Variants in OR1B1 observed in about 807,000 individuals in gnomAD.
OR1B1 encodes the protein olfactory receptor family 1 subfamily B member 1, also known as olfactory receptor 1B1.
For missense variants in OR1B1, 414 were observed against 402.1 expected, an observed-to-expected ratio of 1.03 and a Z score of -0.25; for synonymous variants, 168 against 156.2, an observed-to-expected ratio of 1.08 and a Z score of -0.57.
At chr9:122,628,697 G>T (rs769614672) in exon 1 of OR1B1, 2 of 1,613,756 alleles carry the variant, frequency 1.2e-6, no homozygotes, top group Non-Finnish European at 1.7e-6. Context: ...CATTACTGAA[G>T]CCACCATGTC....
rs75006893 is a variant in OR1B1 at position 122,629,452 on chromosome 9, G to C, written c.84C>G (p.Leu28=). 2.3e-3 allele frequency: 3,722 copies of C among 1,613,370 alleles called. 4 individuals carry two copies. The highest frequency in any genetic ancestry group is 2.9e-3 in the Non-Finnish European group (3,425 of 1,179,834). Residue 28 remains leucine, a synonymous_variant, in exon 1 of 1, where the codon CTC becomes CTG. Transcript: ENST00000623530. Reference sequence around the variant, plus strand: ...AAATAGCCAGGAACAGGAAGAAGAGGAGAGTGTAGGAGATGTTAGCTCTCG... The same window carrying C: ...AAATAGCCAGGAACAGGAAGAAGAGCAGAGTGTAGGAGATGTTAGCTCTCG...
exon 1 of OR1B1, chr9:122,629,564 G>A (rs762748896): frequency 2.8e-6 from 4 of 1,420,412 alleles, no homozygotes; most frequent in South Asian, 2.6e-5. Context: ...CTGAAAGACA[G>A]TTTAAGTCAA....
At chr9:122,634,355 G>GA (rs1407134719), upstream of OR1B1, among the ~76,000 whole-genome samples, 3 of 149,592 alleles carry the variant, frequency 2.0e-5, no homozygotes, top group South Asian at 2.1e-4. Flanking sequence ...AAAAAGAAAA[G>GA]AAAAAACAGA....
chr9:122,649,132 C>T, the OR1B1 span, among the ~76,000 whole-genome samples: 1 of 152,112 alleles, frequency 6.6e-6, no homozygotes, highest in Non-Finnish European at 1.5e-5. Context: ...ACAAACCTGA[C>T]AAAAACAAGC....
chr9:122,629,398 T>C (rs12347681), exon 1 of OR1B1: 398,546 of 1,613,298 alleles, frequency 0.25, 52,218 homozygotes, highest in South Asian at 0.41. Flanking sequence ...GCAGCACCAG[T>C]GTCACATTCC....
At position 122,628,878 on chromosome 9, in the gene OR1B1, T is replaced by G. The variant is rs1588241409; in HGVS notation, c.658A>C (p.Ile220Leu). The change falls in exon 1 of 1, where the codon ATT becomes CTT. Residue 220 changes from isoleucine to leucine, a missense_variant. By Grantham distance (5) the Ile-to-Leu change is conservative. Transcript: ENST00000623530. The stretch of plus-strand genomic sequence containing the variant: ...CCAATTCGGACATAAGAGAGTACAA[T>G]GAGGGCACAGGGGCCCAGCATAAGG... 8 of 1,614,050 alleles carry G rather than the reference T, an allele frequency of 5.0e-6. No homozygotes were observed. The highest frequency in any genetic ancestry group is 6.8e-6 in the Non-Finnish European group (8 of 1,180,018).
At chr9:122,635,853 G>A in the OR1B1 span, among the ~76,000 whole-genome samples, 4,664 of 151,946 alleles carry the variant, frequency 0.031, 246 homozygotes, top group African/African-American at 0.11. Flanking sequence ...AATTCGAAGA[G>A]GTTATATTAA....
At chr9:122,632,563 C>T (rs1054507712), upstream of OR1B1, among the ~76,000 whole-genome samples, 5 of 152,078 alleles carry the variant, frequency 3.3e-5, no homozygotes, top group African/African-American at 1.2e-4. Context: ...TCTTTTATCC[C>T]TCACCCCCCT....
chr9:122,647,832 G>A, the OR1B1 span, among the ~76,000 whole-genome samples: 1 of 152,176 alleles, frequency 6.6e-6, no homozygotes, highest in Non-Finnish European at 1.5e-5. Flanking sequence ...AAGAATGGCT[G>A]AATAAATGGA....
the OR1B1 span, among the ~76,000 whole-genome samples, chr9:122,654,060 G>A: frequency 6.6e-6 from 1 of 152,236 alleles, no homozygotes; most frequent in East Asian, 1.9e-4. Flanking sequence ...CATACTCTAT[G>A]TATTTTTTAA....
At chr9:122,647,258 A>G in the OR1B1 span, among the ~76,000 whole-genome samples, 7,491 of 152,280 alleles carry the variant, frequency 0.049, 605 homozygotes, top group African/African-American at 0.17. Context: ...TCTGGCCACA[A>G]TGGAATAAAA....
the OR1B1 span, among the ~76,000 whole-genome samples, chr9:122,649,896 T>C: frequency 6.6e-6 from 1 of 152,236 alleles, no homozygotes; most frequent in Admixed American, 6.5e-5. Context: ...ACCCCATTAC[T>C]GAGTATATAC....
At chr9:122,653,126 G>C in the OR1B1 span, among the ~76,000 whole-genome samples, 2 of 152,180 alleles carry the variant, frequency 1.3e-5, no homozygotes, top group African/African-American at 4.8e-5. Context: ...CACTTTCCTT[G>C]GAGATAGAAA....
exon 1 of OR1B1, chr9:122,628,664 G>A: frequency 6.2e-7 from 1 of 1,614,010 alleles, no homozygotes; most frequent in Admixed American, 1.7e-5. Context: ...AAATGGGTTG[G>A]CCAAAGGTGT....
chr9:122,645,663 CTAGAATAGTA>C, the OR1B1 span, among the ~76,000 whole-genome samples: 951 of 152,136 alleles, frequency 6.3e-3, 7 homozygotes, highest in African/African-American at 0.022. Context: ...AAAATTTACC[CTAGAATAGTA>C]TAGAATAGTA....
chr9:122,629,538 G>A, exon 1 of OR1B1: 1 of 1,573,970 alleles, frequency 6.4e-7, no homozygotes, highest in Middle Eastern at 1.7e-4. Context: ...CTCATCATGA[G>A]TGACAGTCAG....
chr9:122,652,762 T>C, the OR1B1 span, among the ~76,000 whole-genome samples: 1 of 152,154 alleles, frequency 6.6e-6, no homozygotes, highest in East Asian at 1.9e-4. Flanking sequence ...CTCCAGATGA[T>C]TTATCAAGGA....
chr9:122,642,907 A>G, the OR1B1 span, among the ~76,000 whole-genome samples: 1 of 152,222 alleles, frequency 6.6e-6, no homozygotes, highest in African/African-American at 2.4e-5. Context: ...TAAAGTGCTA[A>G]TAACATCTAA....
rs1193491303 is a variant in OR1B1, at chr9:122,628,800, T to A, written c.736A>T (p.Thr246Ser). 1 of 1,613,858 alleles carries A rather than the reference T, an allele frequency of 6.2e-7. No homozygotes were observed. The highest frequency in any genetic ancestry group is 1.7e-5 in the Admixed American group (1 of 59,982). Residue 246 changes from threonine (T) to serine (S), a missense_variant, in exon 1 of 1, where the codon ACC (threonine) becomes TCC (serine). Transcript: ENST00000623530. The stretch of plus-strand genomic sequence containing the variant: ...ACCATGGTGAGGTGGGATCCACAGG[T>A]GGAGACTGCTCGGCGGCGACCAGCA...
Sources: gnomAD v4.1 joint callset for allele counts (sites outside exome capture counted in the v4.1 genomes callset) on GRCh38, gnomAD v4.1.1 for gene constraint, MANE v1.5 for transcripts, NCBI Gene and HGNC (gene_info 2026-07-23, HGNC 2026-07-21) for gene names.